Variants in FLT1 observed in about 807,000 individuals in gnomAD.
The protein encoded by FLT1 is vascular endothelial growth factor receptor 1.
A neutral mutation model predicts 156.3 loss-of-function variants in FLT1; 49 were observed. That is an observed-to-expected ratio of 0.31 (90% CI 0.25 to 0.40). FLT1 has a LOEUF of 0.40. FLT1 is among the 10% of genes least tolerant of loss of function. FLT1 has a pLI of 1.00. For missense variants in FLT1, 1,322 were observed against 1,637.2 expected (o/e 0.81, Z 3.32); for synonymous variants, 594 against 583.8 (o/e 1.02, Z -0.25).
At chr13:28,379,630 AG>A (rs1873990392) in intron 14 of FLT1, among the ~76,000 whole-genome samples, 1 of 152,304 alleles carries the variant, frequency 6.6e-6, no homozygotes, top group African/African-American at 2.4e-5. Context: ...GTGGTGTGCA[AG>A]GCCCTGTCTC....
intron 1 of FLT1, among the ~76,000 whole-genome samples, chr13:28,482,958 C>T (rs1880945967): frequency 6.6e-6 from 1 of 152,204 alleles, no homozygotes; most frequent in Admixed American, 6.5e-5. Flanking sequence ...GCTTGTACAT[C>T]AACAATGTGT....
intron 12 of FLT1, among the ~76,000 whole-genome samples, chr13:28,392,681 A>G (rs1308126520): frequency 6.6e-6 from 1 of 152,224 alleles, no homozygotes; most frequent in African/African-American, 2.4e-5. Context: ...AATAAAATGC[A>G]TTTAGTGACA....
intron 15 of FLT1, among the ~76,000 whole-genome samples, chr13:28,349,738 A>T (rs1052572130): frequency 2.0e-5 from 3 of 152,066 alleles, no homozygotes; most frequent in Non-Finnish European, 4.4e-5. Flanking sequence ...CACAGTCCTT[A>T]CTCAAGCAAA....
Position 28,331,858 on chromosome 13 carries a change from A to G in FLT1, c.2594-2130T>C, listed in dbSNP as rs542911425. On this transcript the variant is annotated intron_variant, in intron 18 of 29. Coordinates refer to ENST00000282397, the MANE Select transcript of FLT1 (RefSeq NM_002019.4). ...TTTTACAATCAATGCTGATGGCTAA[A>G]AAAAAAAAATAGGCATTTATGAAGA... Among the ~76,000 whole-genome samples the G allele has an allele frequency of 3.3e-5, 5 of 151,712 alleles. No individual in the cohort carries two copies. The South Asian group carries it at 1.0e-3, about 31-fold the overall frequency.
chr13:28,372,843 C>T (rs1233891798), intron 14 of FLT1, among the ~76,000 whole-genome samples: 4 of 151,570 alleles, frequency 2.6e-5, no homozygotes, highest in South Asian at 4.2e-4. Flanking sequence ...GATCATGCCA[C>T]TGCACTCCAG....
At chr13:28,412,057 A>T (rs1876230495) in intron 10 of FLT1, among the ~76,000 whole-genome samples, 1 of 152,194 alleles carries the variant, frequency 6.6e-6, no homozygotes, top group South Asian at 2.1e-4. Flanking sequence ...GGAGTAATGA[A>T]AAGCAAATTG....
At chr13:28,336,430 C>T (rs1217454510) in intron 17 of FLT1, among the ~76,000 whole-genome samples, 1 of 152,206 alleles carries the variant, frequency 6.6e-6, no homozygotes, top group Non-Finnish European at 1.5e-5. Context: ...TTAAAATTCT[C>T]CTCAGTGTTT....
At chr13:28,444,575 C>T (rs772495172) in intron 3 of FLT1, among the ~76,000 whole-genome samples, 6 of 152,158 alleles carry the variant, frequency 3.9e-5, no homozygotes, top group Non-Finnish European at 7.3e-5. Context: ...ATATATTTTC[C>T]TCAAGTGCAC....
At position 28,481,760 on chromosome 13, in the gene FLT1, A is replaced by G. The variant is rs534156629; in HGVS notation, c.64+13020T>C. Among the ~76,000 whole-genome samples the G allele has an allele frequency of 9.2e-4, 140 of 152,390 alleles. 1 individual carries two copies. Among genetic ancestry groups the G allele is most frequent in the Admixed American group, 1.8e-3 (27 of 15,314 alleles). On this transcript the variant is annotated intron_variant, in intron 1 of 29. Coordinates refer to ENST00000282397, the MANE Select transcript of FLT1 (RefSeq NM_002019.4). ...GAAATATGGAAGATAATCTAAGTCA[A>G]CAAATAGAGATCTCCTGCAAACTAT... is the stretch of plus-strand genomic sequence containing the variant.
In FLT1 at chr13:28,380,759, G is replaced by A. The variant is rs967127820; in HGVS notation, c.2116+4126C>T. Reference sequence around the variant, plus strand: ...ACATTTGAGCTTATTAATTAACTCTGATGCCTTCCAGTGAATTCTGCCAAC... The same window carrying A: ...ACATTTGAGCTTATTAATTAACTCTAATGCCTTCCAGTGAATTCTGCCAAC... On this transcript the variant is annotated intron_variant, in intron 14 of 29. Transcript: ENST00000282397. 2.6e-5 allele frequency among the ~76,000 whole-genome samples: 4 copies of A among 152,120 alleles called. No homozygotes were observed. In the South Asian group the frequency reaches 8.3e-4, roughly 32 times the overall value.
At chr13:28,365,594 C>T (rs756334864) in intron 14 of FLT1, among the ~76,000 whole-genome samples, 5 of 152,130 alleles carry the variant, frequency 3.3e-5, no homozygotes, top group South Asian at 4.1e-4. Flanking sequence ...TCAAGTGATT[C>T]GCCAACCTTG....
intron 10 of FLT1, 67 bp downstream of exon 10, chr13:28,427,092 T>C: frequency 7.1e-7 from 1 of 1,411,846 alleles, no homozygotes; most frequent in Non-Finnish European, 1.0e-6. Flanking sequence ...TCTGCGTCCA[T>C]TAAAAAATCT....
chr13:28,328,101 T>A (rs1220043282), intron 19 of FLT1, among the ~76,000 whole-genome samples: 1 of 152,220 alleles, frequency 6.6e-6, no homozygotes, highest in Non-Finnish European at 1.5e-5. Flanking sequence ...GCTTTGCAGA[T>A]CAAGGAGCTA....
intron 15 of FLT1, among the ~76,000 whole-genome samples, chr13:28,356,364 G>A (rs991694292): frequency 7.2e-5 from 11 of 152,310 alleles, no homozygotes; most frequent in South Asian, 2.1e-4. Context: ...GCTATCTGGG[G>A]AAGAAGGTGT....
intron 17 of FLT1, among the ~76,000 whole-genome samples, chr13:28,338,806 T>A (rs1262457315): frequency 1.3e-5 from 2 of 152,160 alleles, no homozygotes; most frequent in Non-Finnish European, 2.9e-5. Context: ...TGCGTGTACT[T>A]GTAATGCCTC....
chr13:28,306,536 G>C, intron 29 of FLT1, 142 bp downstream of exon 29: 1 of 698,966 alleles, frequency 1.4e-6, no homozygotes, highest in Non-Finnish European at 2.6e-6. Flanking sequence ...CCTCTGGGGG[G>C]AAATGGTTTT....
intron 7 of FLT1, among the ~76,000 whole-genome samples, chr13:28,430,818 AG>A (rs1389172416): frequency 1.3e-5 from 2 of 152,224 alleles, no homozygotes; most frequent in Non-Finnish European, 1.5e-5. Context: ...TAGATAATAA[AG>A]ATAAAACTCA....
At chr13:28,476,403 G>C (rs1234521655) in intron 1 of FLT1, among the ~76,000 whole-genome samples, 5 of 152,018 alleles carry the variant, frequency 3.3e-5, no homozygotes, top group African/African-American at 1.2e-4. Flanking sequence ...CTTTTACATG[G>C]GCAACTTTAC....
chr13:28,389,189 T>C, intron 13 of FLT1: 13 of 1,087,652 alleles, frequency 1.2e-5, no homozygotes, highest in Non-Finnish European at 1.5e-5. Context: ...CATTATAACT[T>C]GCTATCCAGG....
Sources: gnomAD v4.1 joint callset for allele counts (sites outside exome capture counted in the v4.1 genomes callset) on GRCh38, gnomAD v4.1.1 for gene constraint, MANE v1.5 for transcripts, NCBI Gene and HGNC (gene_info 2026-07-23, HGNC 2026-07-21) for gene names.